The following ECE1 variants were observed in gnomAD, a reference collection of about 807,000 sequenced individuals.
ECE1 encodes the protein endothelin-converting enzyme 1.
In ECE1, 35 loss-of-function variants were observed where a neutral mutation model predicts 98.6. The ratio of observed to expected loss-of-function variants is 0.35; its 90% CI spans 0.27 to 0.47. ECE1 has a LOEUF of 0.47. Ranked by LOEUF, ECE1 falls within the 20% of genes least tolerant of loss-of-function variation. ECE1 has a pLI of 1.00. For missense variants in ECE1, 814 were observed against 1,025.3 expected, an observed-to-expected ratio of 0.79 and a Z score of 2.81; for synonymous variants, 394 against 407.1, an observed-to-expected ratio of 0.97 and a Z score of 0.39.
chr1:21,320,472 C>A (rs943009494), intron 1 of ECE1, among the ~76,000 whole-genome samples: 25 of 152,216 alleles, frequency 1.6e-4, no homozygotes, highest in African/African-American at 6.0e-4. Context: ...GGCCAGAAGT[C>A]AGTGGGTCCT....
intron 8 of ECE1, among the ~76,000 whole-genome samples, chr1:21,249,161 G>A (rs2098208469): frequency 6.6e-6 from 1 of 152,020 alleles, no homozygotes; most frequent in Admixed American, 6.6e-5. Flanking sequence ...TGGACAACAT[G>A]GTGAAACCCT....
In ECE1 at chr1:21,307,474, T is replaced by C. The variant is rs11810746; in HGVS notation, c.4-17318A>G. Reference sequence around the variant, plus strand: ...AGACACCACTAGAGTCTGTGTAAAGTGCCAAGCACAGTGGCTGGCACATAT... The same window carrying C: ...AGACACCACTAGAGTCTGTGTAAAGCGCCAAGCACAGTGGCTGGCACATAT... On this transcript the variant is annotated intron_variant, in intron 1 of 18. Transcript: ENST00000415912. The surrounding 1 kb of genome is among the most constrained non-coding windows in gnomAD (Gnocchi z 4.2). Among the ~76,000 whole-genome samples the C allele has an allele frequency of 0.075, 11,379 of 152,148 alleles. 1,486 individuals are homozygous for C. Among genetic ancestry groups the C allele is most frequent in the African/African-American group, 0.26 (10,708 of 41,442 alleles).
At chr1:21,228,266 C>G (rs2098177046) in intron 14 of ECE1, among the ~76,000 whole-genome samples, 2 of 152,116 alleles carry the variant, frequency 1.3e-5, no homozygotes, top group South Asian at 4.1e-4. Flanking sequence ...GTCGTGTGAT[C>G]ATGGCTGACT....
chr1:21,290,554 C>T (rs530775958), upstream of ECE1: 60 of 1,192,150 alleles, frequency 5.0e-5, no homozygotes, highest in African/African-American at 7.3e-4. This position sits in a 1 kb window ranked among gnomAD's most constrained non-coding sequence, Gnocchi z 7.3. Flanking sequence ...CCGGGGAGAC[C>T]CCAAGACCCG....
In ECE1 at chr1:21,322,538, ATG is replaced by A. The variant is rs1175086799; in HGVS notation, c.3+22836_3+22837del. ...GTTGGGGCTGTGCCAGGCCCCCCAC[ATG>A]TGTCACACTCCAGGGCCCCAGGCCT... On this transcript the variant is annotated intron_variant, in intron 1 of 18. Coordinates refer to the ECE1 transcript ENST00000415912. This position sits in a 1 kb window ranked among gnomAD's most constrained non-coding sequence, Gnocchi z 4.1. Among the ~76,000 whole-genome samples the A allele has an allele frequency of 3.9e-5, 6 of 152,292 alleles. No individual in the cohort carries two copies. The South Asian group carries it at 1.2e-3, about 32-fold the overall frequency.
At chr1:21,304,438 C>A (rs372057795) in intron 1 of ECE1, among the ~76,000 whole-genome samples, 1 of 151,970 alleles carries the variant, frequency 6.6e-6, no homozygotes, top group Non-Finnish European at 1.5e-5. Context: ...TGGGGTTCCA[C>A]AGCCCACCCC....
At chr1:21,249,486 A>G (rs913175974) in intron 8 of ECE1, among the ~76,000 whole-genome samples, 4 of 152,046 alleles carry the variant, frequency 2.6e-5, no homozygotes, top group African/African-American at 9.7e-5. Context: ...GCTTGAGCCC[A>G]GGAGTTCAAG....
chr1:21,263,954 C>T (rs572631838), intron 4 of ECE1, among the ~76,000 whole-genome samples: 48 of 152,286 alleles, frequency 3.2e-4, no homozygotes, highest in Non-Finnish European at 6.3e-4. Context: ...GTGAGGCTGC[C>T]AGGCGGGAGG....
At chr1:21,306,428 C>T (rs1433188521) in intron 1 of ECE1, among the ~76,000 whole-genome samples, 3 of 151,976 alleles carry the variant, frequency 2.0e-5, no homozygotes, top group African/African-American at 7.3e-5. Context: ...CCTCCGCCTC[C>T]TGGGTTCAAG....
chr1:21,281,762 T>C (rs137929628), intron 2 of ECE1, among the ~76,000 whole-genome samples: 2,547 of 152,304 alleles, frequency 0.017, 71 homozygotes, highest in African/African-American at 0.057. Context: ...AATGGCACGA[T>C]CTCGGCTCAC....
At chr1:21,274,239 C>T (rs2098243921) in intron 3 of ECE1, among the ~76,000 whole-genome samples, 1 of 152,204 alleles carries the variant, frequency 6.6e-6, no homozygotes, top group Admixed American at 6.5e-5. Flanking sequence ...CTGTCTTGGT[C>T]CAGCCATGCC....
In ECE1 at chr1:21,225,483, A is replaced by G. The variant is rs1348440117; in HGVS notation, c.1850-43T>C. On this transcript the variant is annotated intron_variant, in intron 16 of 18. Coordinates refer to ENST00000374893, the MANE Select transcript of ECE1 (RefSeq NM_001397.3). The surrounding 1 kb of genome is among the most constrained non-coding windows in gnomAD (Gnocchi z 5.3). ...GCGTCATGTCAAGGGAGGGAGGGGC[A>G]CAGCAGGGACCTGCTGCTCCTCCCT... is the stretch of plus-strand genomic sequence containing the variant. 6.2e-7 allele frequency: 1 copy of G among 1,603,698 alleles called. No homozygotes were observed. Among genetic ancestry groups the G allele is most frequent in the African/African-American group, 1.3e-5 (1 of 74,754 alleles).
At chr1:21,326,343 G>A (rs1389464154) in intron 1 of ECE1, among the ~76,000 whole-genome samples, 4 of 151,946 alleles carry the variant, frequency 2.6e-5, no homozygotes, top group Non-Finnish European at 5.9e-5. Context: ...GCCCCTGGGG[G>A]TTAGAGAAAC....
chr1:21,235,449 G>A lies in ECE1; in HGVS notation c.1566+401C>T, dbSNP rs553985968. The stretch of plus-strand genomic sequence containing the variant: ...TGGAAGCACGACCAGGGAGGGAGGA[G>A]GTGGTGTGGGGGTTTTCCCACTTCA... On this transcript the variant is annotated intron_variant, in intron 13 of 18. Transcript: ENST00000374893. The surrounding 1 kb of genome is among the most constrained non-coding windows in gnomAD (Gnocchi z 4.2). 1.6e-3 allele frequency among the ~76,000 whole-genome samples: 237 copies of A among 151,710 alleles called. No individual in the cohort carries two copies. The highest frequency in any genetic ancestry group is 5.7e-3 in the African/African-American group (232 of 40,976).
At chr1:21,290,508 C>T (rs1183925583), upstream of ECE1, 6 of 1,209,468 alleles carry the variant, frequency 5.0e-6, no homozygotes, top group Non-Finnish European at 6.2e-6. The surrounding 1 kb of genome is among the most constrained non-coding windows in gnomAD (Gnocchi z 7.3). Flanking sequence ...GGGGCCTGAT[C>T]GGTTCGCCGG....
intron 12 of ECE1, among the ~76,000 whole-genome samples, chr1:21,236,239 A>C (rs2098187855): frequency 6.6e-6 from 1 of 152,208 alleles, no homozygotes; most frequent in Admixed American, 6.5e-5. Flanking sequence ...ACACTCAGCG[A>C]GGTTTGTCTT....
intron 1 of ECE1, among the ~76,000 whole-genome samples, chr1:21,324,612 A>C (rs1311762961): frequency 6.6e-6 from 1 of 152,124 alleles, no homozygotes; most frequent in African/African-American, 2.4e-5. Context: ...GAAGAGAAAC[A>C]TTTCAGGGTT....
chr1:21,313,711 T>C (rs996475557), intron 1 of ECE1, among the ~76,000 whole-genome samples: 4 of 151,980 alleles, frequency 2.6e-5, no homozygotes, highest in African/African-American at 7.3e-5. Flanking sequence ...CCTGGGTGAG[T>C]TGCCTTACCT....
At chr1:21,254,608 C>A (rs1056754851) in intron 8 of ECE1, among the ~76,000 whole-genome samples, 3 of 152,194 alleles carry the variant, frequency 2.0e-5, no homozygotes, top group African/African-American at 7.2e-5. Flanking sequence ...GGCATCATGG[C>A]CACGGTAGGG....
Sources: allele counts gnomAD v4.1 joint callset (sites outside exome capture counted in the v4.1 genomes callset), GRCh38; gene constraint gnomAD v4.1.1; non-coding constraint Gnocchi (gnomAD v3.1); transcripts MANE v1.5; gene names NCBI Gene and HGNC (gene_info 2026-07-23, HGNC 2026-07-21).